Variants in SH3RF3 observed in about 807,000 individuals in gnomAD.
SH3RF3 encodes E3 ubiquitin-protein ligase SH3RF3.
SH3RF3 carries 29 observed loss-of-function variants against 66.3 expected under a neutral mutation model. The observed-to-expected ratio is 0.44, with a 90% CI of 0.33 to 0.60. The LOEUF is 0.60. Among genes scored for constraint, SH3RF3 ranks in the 20% least tolerant of loss-of-function variants. The pLI is 0.04. For synonymous variants in SH3RF3, 583 were observed against 532.0 expected (o/e 1.10, Z -1.32); for missense variants, 1,194 against 1,190.9 (o/e 1.00, Z -0.04).
intron 1 of SH3RF3, among the ~76,000 whole-genome samples, chr2:109,130,929 G>A (rs1676679357): frequency 6.6e-6 from 1 of 152,022 alleles, no homozygotes; most frequent in Non-Finnish European, 1.5e-5. Flanking sequence ...CAGGAGAGAG[G>A]GCATGGGATG....
chr2:109,411,818 C>A (rs540913402), intron 4 of SH3RF3, among the ~76,000 whole-genome samples: 1 of 152,244 alleles, frequency 6.6e-6, no homozygotes, highest in African/African-American at 2.4e-5. Context: ...TGACCTCTCT[C>A]TGCTCTTCAT....
At chr2:109,339,112 A>G (rs1345110851) in intron 1 of SH3RF3, among the ~76,000 whole-genome samples, 2 of 152,188 alleles carry the variant, frequency 1.3e-5, no homozygotes, top group African/African-American at 2.4e-5. Context: ...TGTGGGCTGA[A>G]CAGGAGGAGG....
chr2:109,366,333 A>C (rs1004415751), intron 2 of SH3RF3, among the ~76,000 whole-genome samples: 3 of 152,216 alleles, frequency 2.0e-5, no homozygotes, highest in African/African-American at 7.2e-5. Context: ...ATATAATGGA[A>C]TGTCTCTGTG....
intron 8 of SH3RF3, among the ~76,000 whole-genome samples, chr2:109,461,117 C>G (rs1678198999): frequency 1.3e-5 from 2 of 152,260 alleles, no homozygotes; most frequent in South Asian, 4.1e-4. Flanking sequence ...ATGTAACTTA[C>G]TGGTGCCTTC....
chr2:109,198,741 A>C (rs1678566897), intron 1 of SH3RF3, among the ~76,000 whole-genome samples: 1 of 152,114 alleles, frequency 6.6e-6, no homozygotes, highest in Non-Finnish European at 1.5e-5. Context: ...CTCATGACCT[A>C]ATCACCTTCC....
chr2:109,456,117 G>T (rs571694801), intron 8 of SH3RF3, among the ~76,000 whole-genome samples: 2 of 152,286 alleles, frequency 1.3e-5, no homozygotes, highest in Non-Finnish European at 2.9e-5. Flanking sequence ...CAGGTCTGCC[G>T]CACAGCAAAG....
intron 1 of SH3RF3, among the ~76,000 whole-genome samples, chr2:109,143,719 A>G (rs1677020916): frequency 6.6e-6 from 1 of 152,124 alleles, no homozygotes; most frequent in Non-Finnish European, 1.5e-5. Flanking sequence ...GCACCACTGC[A>G]CTCCAGCCTG....
chr2:109,199,637 T>TCGTTCC (rs1678610285), intron 1 of SH3RF3, among the ~76,000 whole-genome samples: 2 of 50 alleles, frequency 0.04, no homozygotes, highest in Non-Finnish European at 0.071. Context: ...TGGAATGGAA[T>TCGTTCC]GGAATGGAAT....
chr2:109,494,511 C>T (rs978439137), intron 9 of SH3RF3, among the ~76,000 whole-genome samples: 1 of 152,200 alleles, frequency 6.6e-6, no homozygotes, highest in Non-Finnish European at 1.5e-5. Context: ...CACCAGAGAG[C>T]ACTTGGACTT....
rs116564313 is a variant in SH3RF3 at position 109,393,641 on chromosome 2, A to C, written c.946-4949A>C. 6.3e-3 allele frequency among the ~76,000 whole-genome samples: 963 copies of C among 151,850 alleles called. 12 individuals are homozygous for C. The highest frequency in any genetic ancestry group is 0.022 in the African/African-American group (905 of 41,366). On this transcript the variant is annotated intron_variant, in intron 3 of 9. Transcript: ENST00000309415. ...CCTGCTTGCACCCTTGGCTTCCTGGATTTCCACCAAGATGTGGGTTTCAGG... is the reference window on the plus strand; with the variant it reads ...CCTGCTTGCACCCTTGGCTTCCTGGCTTTCCACCAAGATGTGGGTTTCAGG...
intron 1 of SH3RF3, among the ~76,000 whole-genome samples, chr2:109,133,239 A>G (rs1676737640): frequency 6.6e-6 from 1 of 152,200 alleles, no homozygotes; most frequent in African/African-American, 2.4e-5. Flanking sequence ...GCCTTTGATG[A>G]TATAAAAGTC....
At chr2:109,356,227 C>G in intron 2 of SH3RF3, among the ~76,000 whole-genome samples, 1 of 152,108 alleles carries the variant, frequency 6.6e-6, no homozygotes, top group Non-Finnish European at 1.5e-5. Flanking sequence ...AGCCTCTACA[C>G]CAAAATGACT....
intron 2 of SH3RF3, among the ~76,000 whole-genome samples, chr2:109,362,013 G>T (rs927432018): frequency 6.6e-6 from 1 of 151,858 alleles, no homozygotes; most frequent in Non-Finnish European, 1.5e-5. Context: ...TCTTTTTAAA[G>T]ATTAATTTAT....
chr2:109,222,712 G>A (rs566733328), intron 1 of SH3RF3, among the ~76,000 whole-genome samples: 5 of 152,366 alleles, frequency 3.3e-5, no homozygotes, highest in East Asian at 3.9e-4. Flanking sequence ...CTGGGATGGC[G>A]TGGGCTCCTT....
chr2:109,158,425 C>T (rs1677402947), intron 1 of SH3RF3, among the ~76,000 whole-genome samples: 1 of 152,156 alleles, frequency 6.6e-6, no homozygotes, highest in Non-Finnish European at 1.5e-5. Flanking sequence ...GGTCATTGGG[C>T]ACCATCCTGG....
intron 4 of SH3RF3, among the ~76,000 whole-genome samples, chr2:109,404,888 T>C (rs72945311): frequency 0.048 from 7,317 of 152,212 alleles, 548 homozygotes; most frequent in African/African-American, 0.16. Flanking sequence ...CACTTGACGC[T>C]GTGGACAGCA....
intron 2 of SH3RF3, among the ~76,000 whole-genome samples, chr2:109,366,427 T>C (rs1683153323): frequency 6.6e-6 from 1 of 152,198 alleles, no homozygotes; most frequent in Admixed American, 6.5e-5. Context: ...TACAGAAAAG[T>C]GTGGTGAGTT....
intron 1 of SH3RF3, among the ~76,000 whole-genome samples, chr2:109,253,283 T>G (rs571826582): frequency 1.4e-4 from 21 of 152,330 alleles, no homozygotes; most frequent in African/African-American, 4.8e-4. Context: ...CCTCCCAAAG[T>G]GCTGGGATTG....
At chr2:109,335,007 G>A (rs916619191) in intron 1 of SH3RF3, among the ~76,000 whole-genome samples, 4 of 152,226 alleles carry the variant, frequency 2.6e-5, no homozygotes, top group Admixed American at 6.5e-5. Context: ...CGCGATTTAT[G>A]TCACCGCGTT....
Sources: gnomAD v4.1 joint callset for allele counts (sites outside exome capture counted in the v4.1 genomes callset) on GRCh38, gnomAD v4.1.1 for gene constraint, MANE v1.5 for transcripts, NCBI Gene and HGNC (gene_info 2026-07-23, HGNC 2026-07-21) for gene names.